Variants in ATXN1L observed in about 807,000 individuals in gnomAD.
ATXN1L encodes the protein ataxin-1-like.
Under a neutral mutation model 43.4 loss-of-function variants are expected in ATXN1L, and 8 were observed. That is an observed-to-expected ratio of 0.18 (90% CI 0.11 to 0.33). ATXN1L has a LOEUF of 0.33. ATXN1L is among the 10% of genes least tolerant of loss of function. ATXN1L has a pLI of 1.00. For missense variants in ATXN1L, 856 were observed against 885.4 expected (o/e 0.97, Z 0.42); for synonymous variants, 379 against 360.6 (o/e 1.05, Z -0.58).
intron 2 of ATXN1L, among the ~76,000 whole-genome samples, chr16:71,848,693 A>G (rs1454937979): frequency 6.6e-6 from 1 of 151,596 alleles, no homozygotes; most frequent in Non-Finnish European, 1.5e-5. Context: ...AAAGTCTTAA[A>G]AAAAAAAACA....
intron 1 of ATXN1L, among the ~76,000 whole-genome samples, chr16:71,846,794 T>A (rs974325686): frequency 6.6e-6 from 1 of 152,092 alleles, no homozygotes; most frequent in Non-Finnish European, 1.5e-5. Flanking sequence ...GCTTGGCTCT[T>A]TGTTTTCCTT....
rs749989923 is a variant in ATXN1L, at chr16:71,849,719, T to G, written c.-22T>G. 383 of 1,473,694 alleles carry G rather than the reference T, an allele frequency of 2.6e-4. No individual in the cohort carries two copies. The highest frequency in any genetic ancestry group is 3.4e-4 in the Non-Finnish European group (376 of 1,107,200). The allele number at this position is 1,473,694 out of a possible 1,614,324, so 91.3% of individuals were successfully genotyped here. The stretch of plus-strand genomic sequence containing the variant: ...GGGAGCAAGTCGACTCCTTCCAGGC[T>G]CCAGGAACACCACAAAGCAATATGA... On this transcript the variant is annotated 5_prime_UTR_variant, in exon 3 of 3. Coordinates refer to ENST00000427980, the MANE Select transcript of ATXN1L (RefSeq NM_001137675.4).
At position 71,850,952 on chromosome 16, in the gene ATXN1L, A is replaced by G. The variant is rs1322121656; in HGVS notation, c.1212A>G (p.Val404=). Residue 404 remains valine, a synonymous_variant, in exon 3 of 3, where the codon GTA becomes GTG. Coordinates refer to ENST00000427980, the MANE Select transcript of ATXN1L (RefSeq NM_001137675.4). ...ACCCTCAGTCCCATCAGGAACCAGT[A>G]AAACATAGACCTTTACCCAAAGCAA... is the stretch of plus-strand genomic sequence containing the variant. ...GFYPQSHQEP[V]KHRPLPKAMV... is the part of the protein sequence containing the mutation. 6.4e-7 allele frequency: 1 copy of G among 1,551,684 alleles called. No individual in the cohort carries two copies.
Position 71,849,215 on chromosome 16 carries a change from T to TAAAAAAAAAAAAAAAAAAAAAAA in ATXN1L, c.-117-409_-117-408insAAAAAAAAAAAAAAAAAAAAAAA. Reference sequence around the variant, plus strand: ...CAACAAGAGCAAAACTCCATGTGTTTTAAAAAAAAAAAAAAAAAAAAAAAA... The same window carrying TAAAAAAAAAAAAAAAAAAAAAAA: ...CAACAAGAGCAAAACTCCATGTGTTTAAAAAAAAAAAAAAAAAAAAAAATAAAAAAAAAAAAAAAAAAAAAAAA... On this transcript the variant is annotated intron_variant, in intron 2 of 2. Transcript: ENST00000427980. 2.3e-5 allele frequency among the ~76,000 whole-genome samples: 2 copies of TAAAAAAAAAAAAAAAAAAAAAAA among 86,058 alleles called. 1 individual carries two copies. Among genetic ancestry groups the TAAAAAAAAAAAAAAAAAAAAAAA allele is most frequent in the Non-Finnish European group, 4.6e-5 (2 of 43,212 alleles). The allele number at this position is 86,058 out of a possible 152,430, so 56.5% of individuals were successfully genotyped here.
In ATXN1L at chr16:71,854,216, A is replaced by G. The variant is rs947254834; in HGVS notation, c.*2406A>G. On this transcript the variant is annotated 3_prime_UTR_variant, in exon 3 of 3. Transcript: ENST00000427980. ...AGCTTTCTCCTTATGGGGCAAACCT[A>G]TGTCTAACCAGATACAGACCAATTA... 11 of 167,108 alleles carry G rather than the reference A, an allele frequency of 6.6e-5. No individual in the cohort carries two copies. The highest frequency in any genetic ancestry group is 7.3e-5 in the Non-Finnish European group (5 of 68,118). The allele number at this position is 167,108 out of a possible 1,614,324, so 10.4% of individuals were successfully genotyped here. A position where few individuals can be genotyped will look rare whatever the true frequency, so the allele number is the denominator to read the frequency against.
chr16:71,846,811 G>A (rs2033448294), intron 1 of ATXN1L, among the ~76,000 whole-genome samples: 1 of 152,008 alleles, frequency 6.6e-6, no homozygotes, highest in African/African-American at 2.4e-5. Context: ...CCTTTCTGCA[G>A]ACCTTTTGCC....
In ATXN1L at chr16:71,850,429, A is replaced by C. The variant is rs1448002089; in HGVS notation, c.689A>C (p.Tyr230Ser). 2 of 1,551,636 alleles carry C rather than the reference A, an allele frequency of 1.3e-6. No homozygotes were observed. The highest frequency in any genetic ancestry group is 1.7e-6 in the Non-Finnish European group (2 of 1,146,980). The part of the protein sequence containing the change: ...LDLAPGRMPI[Y>S]YQMSRLPAGY... ...CTTGCTCCAGGTCGGATGCCCATTT[A>C]TTATCAGATGTCCAGGCTACCTGCT... Residue 230 changes from tyrosine to serine, a missense_variant, in exon 3 of 3, where the codon TAT (tyrosine) becomes TCT (serine). Physicochemically the swap from Tyr to Ser is moderately radical, Grantham distance 144. Coordinates refer to ENST00000427980, the MANE Select transcript of ATXN1L (RefSeq NM_001137675.4).
chr16:71,846,384 C>T (rs2033443228), intron 1 of ATXN1L, among the ~76,000 whole-genome samples: 1 of 152,262 alleles, frequency 6.6e-6, no homozygotes, highest in South Asian at 2.1e-4. Context: ...GCGTCGCCTG[C>T]AGGGCCTCGC....
chr16:71,849,734 A>G lies in ATXN1L; in HGVS notation c.-7A>G, dbSNP rs1239640300. On this transcript the variant is annotated 5_prime_UTR_variant, in exon 3 of 3. Coordinates refer to ENST00000427980, the MANE Select transcript of ATXN1L (RefSeq NM_001137675.4). ...CCTTCCAGGCTCCAGGAACACCACA[A>G]AGCAATATGAAACCTGTTCATGAAA... The G allele has an allele frequency of 2.0e-6, 3 of 1,488,708 alleles. No homozygotes were observed. The highest frequency in any genetic ancestry group is 2.3e-5 in the Admixed American group (1 of 43,654). 92.2% of individuals were successfully genotyped at this position (1,488,708 alleles called of 1,614,324 possible).
rs1408955929 is a variant in ATXN1L, at chr16:71,850,893, G to C, written c.1153G>C (p.Glu385Gln). 6.4e-7 allele frequency: 1 copy of C among 1,551,734 alleles called. No individual in the cohort carries two copies. The highest frequency in any genetic ancestry group is 8.7e-7 in the Non-Finnish European group (1 of 1,146,976). The part of the protein sequence containing the change: ...EGRGSARNPA[E>Q]LAEKSQARGF... ...GCGAGGGTCAGCCAGGAACCCTGCA[G>C]AGCTGGCAGAGAAAAGTCAGGCCCG... The change falls in exon 3 of 3, where the codon GAG (glutamate) becomes CAG (glutamine). Residue 385 changes from glutamate to glutamine, a missense_variant. Coordinates refer to ENST00000427980, the MANE Select transcript of ATXN1L (RefSeq NM_001137675.4).
chr16:71,848,624 G>T (rs1597109845), intron 2 of ATXN1L, among the ~76,000 whole-genome samples: 2 of 152,116 alleles, frequency 1.3e-5, no homozygotes, highest in Middle Eastern at 6.8e-3. Context: ...TAGAGGCTGA[G>T]TTAAAATGTA....
rs1597112285 is a variant in ATXN1L, at chr16:71,857,073, A to G, written c.*5263A>G. ...CTTTAACAAAGCATTAATAATTCTA[A>G]GGATAATCTCTATTTTGTTGTGCTT... On this transcript the variant is annotated 3_prime_UTR_variant, in exon 3 of 3. Coordinates refer to ENST00000427980, the MANE Select transcript of ATXN1L (RefSeq NM_001137675.4). The G allele has an allele frequency of 6.0e-6, 1 of 167,102 alleles. No individual in the cohort carries two copies. The highest frequency in any genetic ancestry group is 1.5e-5 in the Non-Finnish European group (1 of 68,122). 10.4% of individuals were successfully genotyped at this position (167,102 alleles called of 1,614,324 possible). A position where few individuals can be genotyped will look rare whatever the true frequency, so the allele number is the denominator to read the frequency against.
Position 71,849,154 on chromosome 16 carries a change from G to A in ATXN1L, c.-117-470G>A, listed in dbSNP as rs191141302. Among the ~76,000 whole-genome samples the A allele has an allele frequency of 4.5e-3, 674 of 148,174 alleles. 2 individuals carry two copies. The highest frequency in any genetic ancestry group is 7.9e-3 in the Non-Finnish European group (529 of 67,236). ...GCTTGAACCCGGGAGGCGAGGTTGCGGTGAGCTGAGATTGCACCATGTACT... is the reference window on the plus strand; with the variant it reads ...GCTTGAACCCGGGAGGCGAGGTTGCAGTGAGCTGAGATTGCACCATGTACT... On this transcript the variant is annotated intron_variant, in intron 2 of 2. Transcript: ENST00000427980.
In ATXN1L at chr16:71,851,167, A is replaced by G. The variant is rs554657834; in HGVS notation, c.1427A>G (p.Gln476Arg). ...PSHFMKGAIIQLATGELKRVE... is the reference protein window; with the variant it reads ...PSHFMKGAIIRLATGELKRVE... ...CATTTCATGAAAGGCGCCATCATCC[A>G]GCTGGCTACGGGAGAGCTGAAGCGG... Residue 476 changes from glutamine (Q) to arginine (R), a missense_variant, in exon 3 of 3, where the codon CAG becomes CGG. Physicochemically the swap from Gln to Arg is conservative, Grantham distance 43. Around this residue, in one of 7 missense-constraint regions of ATXN1L, gnomAD observed 22 missense variants for 49.3 expected, o/e 0.45. Coordinates refer to ENST00000427980, the MANE Select transcript of ATXN1L (RefSeq NM_001137675.4). This position sits in a 1 kb window ranked among gnomAD's most constrained non-coding sequence, Gnocchi z 4.9. The G allele has an allele frequency of 1.3e-6, 2 of 1,551,516 alleles. No homozygotes were observed. The highest frequency in any genetic ancestry group is 8.7e-7 in the Non-Finnish European group (1 of 1,146,978).
At position 71,851,863 on chromosome 16, in the gene ATXN1L, C is replaced by T. The variant is rs1597110899; in HGVS notation, c.*53C>T. On this transcript the variant is annotated 3_prime_UTR_variant, in exon 3 of 3. Transcript: ENST00000427980. The surrounding 1 kb of genome is among the most constrained non-coding windows in gnomAD (Gnocchi z 4.9). Reference sequence around the variant, plus strand: ...TTTACCCCAGAGCCTCGCCTCGCCGCCGTGAGCAGGCAGAGGATTTGCACA... The same window carrying T: ...TTTACCCCAGAGCCTCGCCTCGCCGTCGTGAGCAGGCAGAGGATTTGCACA... The T allele has an allele frequency of 1.7e-5, 23 of 1,377,360 alleles. No homozygotes were observed. The East Asian group carries it at 6.1e-4, about 37-fold the overall frequency. 85.3% of individuals were successfully genotyped at this position (1,377,360 alleles called of 1,614,324 possible).
In ATXN1L at chr16:71,852,032, G is replaced by A; in HGVS notation, c.*222G>A. ...CCAGAGGGTGTTGTGATGGGGAGCA[G>A]CAGGCCTGGGGCAAGGAAGGAAGGG... On this transcript the variant is annotated 3_prime_UTR_variant, in exon 3 of 3. Coordinates refer to ENST00000427980, the MANE Select transcript of ATXN1L (RefSeq NM_001137675.4). 2.4e-6 allele frequency: 1 copy of A among 425,126 alleles called. No homozygotes were observed. The highest frequency in any genetic ancestry group is 4.1e-6 in the Non-Finnish European group (1 of 242,854). 26.3% of individuals were successfully genotyped at this position (425,126 alleles called of 1,614,324 possible). A position where few individuals can be genotyped will look rare whatever the true frequency, so the allele number is the denominator to read the frequency against.
Position 71,851,195 on chromosome 16 carries a change from G to A in ATXN1L, c.1455G>A (p.Val485=), listed in dbSNP as rs1161902145. Residue 485 remains valine, a synonymous_variant, in exon 3 of 3, where the codon GTG becomes GTA. Transcript: ENST00000427980. The surrounding 1 kb of genome is among the most constrained non-coding windows in gnomAD (Gnocchi z 4.9). The part of the protein sequence containing the change: ...IQLATGELKR[V]EDLQTQDFVR... ...TGGCTACGGGAGAGCTGAAGCGGGT[G>A]GAGGACCTCCAGACCCAGGATTTTG... 1 of 1,551,538 alleles carries A rather than the reference G, an allele frequency of 6.4e-7. No individual in the cohort carries two copies. The highest frequency in any genetic ancestry group is 8.7e-7 in the Non-Finnish European group (1 of 1,146,988).
In ATXN1L at chr16:71,851,012, A is replaced by C; in HGVS notation, c.1272A>C (p.Gly424=). 1 of 1,551,724 alleles carries C rather than the reference A, an allele frequency of 6.4e-7. No individual in the cohort carries two copies. The highest frequency in any genetic ancestry group is 8.7e-7 in the Non-Finnish European group (1 of 1,146,986). ...CCAATGGCAACCTGGTGCCCACTGG[A>C]ACTGACTCAGGCCTGCTGCCTGTGG... ...VVANGNLVPT[G]TDSGLLPVGS... The change falls in exon 3 of 3, where the codon GGA becomes GGC. Residue 424 remains glycine, a synonymous_variant. Coordinates refer to ENST00000427980, the MANE Select transcript of ATXN1L (RefSeq NM_001137675.4). The surrounding 1 kb of genome is among the most constrained non-coding windows in gnomAD (Gnocchi z 4.9).
chr16:71,847,162 G>A (rs11859593), intron 1 of ATXN1L, among the ~76,000 whole-genome samples: 1 of 152,174 alleles, frequency 6.6e-6, no homozygotes, highest in African/African-American at 2.4e-5. Flanking sequence ...GAGGCTTAGA[G>A]TGTTCTATAG....
Sources: allele counts gnomAD v4.1 joint callset (sites outside exome capture counted in the v4.1 genomes callset), GRCh38; gene constraint gnomAD v4.1.1; regional missense constraint gnomAD v4.1.1; non-coding constraint Gnocchi (gnomAD v3.1); transcripts MANE v1.5; gene names NCBI Gene and HGNC (gene_info 2026-07-23, HGNC 2026-07-21).